Variants in METTL15 observed in about 807,000 individuals in gnomAD.
METTL15 encodes methyltransferase 15, mitochondrial 12S rRNA N4-cytidine, also known as 12S rRNA N(4)-cytidine methyltransferase METTL15.
A neutral mutation model predicts 38.3 loss-of-function variants in METTL15; 34 were observed. That is an observed-to-expected ratio of 0.89 (90% CI 0.68 to 1.18). The LOEUF (loss-of-function observed/expected upper bound fraction) is 1.18, where lower values mean the gene tolerates loss of function less well. Ranked by LOEUF, METTL15 falls within the 50% of genes most tolerant of loss-of-function variation. The probability of loss-of-function intolerance (pLI) is 0.00; values close to 1 mark genes in which losing one functional copy is unlikely to be tolerated. For synonymous variants in METTL15, 162 were observed against 170.9 expected (o/e 0.95, Z 0.41); for missense variants, 438 against 498.4 (o/e 0.88, Z 1.15).
At chr11:28,303,364 A>T (rs1053868425) in intron 6 of METTL15, among the ~76,000 whole-genome samples, 11 of 152,188 alleles carry the variant, frequency 7.2e-5, no homozygotes, top group Admixed American at 2.6e-4. Context: ...TTTTGCTTAA[A>T]CCAATGTTGA....
intron 3 of METTL15, among the ~76,000 whole-genome samples, chr11:28,178,103 A>G (rs573507350): frequency 1.3e-5 from 2 of 152,032 alleles, no homozygotes; most frequent in East Asian, 1.9e-4. Context: ...CCCAATTTGC[A>G]TGAGTTATCA....
chr11:28,492,330 T>C (rs1246993646), intron 6 of METTL15, among the ~76,000 whole-genome samples: 4 of 152,074 alleles, frequency 2.6e-5, no homozygotes, highest in Non-Finnish European at 5.9e-5. Context: ...GACAGGCACA[T>C]CTTGTGGCAG....
At chr11:28,435,916 G>A (rs1402603062) in intron 6 of METTL15, among the ~76,000 whole-genome samples, 1 of 152,184 alleles carries the variant, frequency 6.6e-6, no homozygotes, top group Non-Finnish European at 1.5e-5. Flanking sequence ...CCCTTGAGGG[G>A]CTAGAGATAA....
At chr11:28,490,811 G>T (rs1307429662) in intron 6 of METTL15, among the ~76,000 whole-genome samples, 2 of 152,068 alleles carry the variant, frequency 1.3e-5, no homozygotes, top group Admixed American at 6.6e-5. Context: ...GGCTAAAAAG[G>T]CAACATTCAT....
At chr11:28,424,474 G>A (rs1850847969) in intron 6 of METTL15, 1 of 152,206 alleles carries the variant, frequency 6.6e-6, no homozygotes, top group Admixed American at 6.5e-5. Flanking sequence ...AGGTAGGAGG[G>A]AAGCAAAGAG....
intron 4 of METTL15, among the ~76,000 whole-genome samples, chr11:28,288,762 T>C (rs938926819): frequency 6.6e-6 from 1 of 152,122 alleles, no homozygotes; most frequent in Non-Finnish European, 1.5e-5. Flanking sequence ...TAAACCCCCA[T>C]GATACAAGTT....
intron 4 of METTL15, among the ~76,000 whole-genome samples, chr11:28,218,918 C>T (rs1464079770): frequency 2.0e-5 from 3 of 152,242 alleles, no homozygotes; most frequent in South Asian, 2.1e-4. Flanking sequence ...CCCACTTGAT[C>T]ATGGTGGATA....
chr11:28,231,284 A>T (rs530895375), intron 4 of METTL15, among the ~76,000 whole-genome samples: 13 of 152,038 alleles, frequency 8.6e-5, no homozygotes, highest in Admixed American at 8.5e-4. Flanking sequence ...ATAGCATGGA[A>T]TAACTATGTT....
At chr11:28,176,453 TG>T in intron 3 of METTL15, among the ~76,000 whole-genome samples, 1 of 152,302 alleles carries the variant, frequency 6.6e-6, no homozygotes, top group East Asian at 1.9e-4. Flanking sequence ...GCTATGCCCT[TG>T]GGCATGTTAC....
At chr11:28,313,446 A>T (rs544370620) in intron 6 of METTL15, among the ~76,000 whole-genome samples, 36 of 152,138 alleles carry the variant, frequency 2.4e-4, no homozygotes, top group African/African-American at 7.9e-4. Flanking sequence ...TAATGAATTT[A>T]TGATTCAGTA....
downstream of METTL15, among the ~76,000 whole-genome samples, chr11:28,530,246 G>T (rs1358437815): frequency 2.0e-5 from 3 of 152,148 alleles, no homozygotes; most frequent in Non-Finnish European, 4.4e-5. Flanking sequence ...CACAAAGGTT[G>T]TATAACCTAT....
intron 6 of METTL15, among the ~76,000 whole-genome samples, chr11:28,298,817 GATA>G (rs751195443): frequency 4.3e-4 from 65 of 152,014 alleles, no homozygotes; most frequent in Non-Finnish European, 8.2e-4. Context: ...CTTTATTAAT[GATA>G]ATATGAATTT....
Position 28,140,103 on chromosome 11 carries a change from C to A in METTL15, c.270+26499C>A, listed in dbSNP as rs149320965. 2.0e-4 allele frequency among the ~76,000 whole-genome samples: 30 copies of A among 152,296 alleles called. No homozygotes were observed. In the East Asian group the frequency reaches 5.8e-3, roughly 30 times the overall value. On this transcript the variant is annotated intron_variant, in intron 3 of 6. Coordinates refer to ENST00000407364, the MANE Select transcript of METTL15 (RefSeq NM_001113528.2). ...AGGGAGGATGGGTGCCTCCGCTTGCCTTTCTGTTCCGAGCGTGTGCCTGTG... is the reference window on the plus strand; with the variant it reads ...AGGGAGGATGGGTGCCTCCGCTTGCATTTCTGTTCCGAGCGTGTGCCTGTG...
chr11:28,327,996 A>T, intron 6 of METTL15: 1 of 1,292,052 alleles, frequency 7.7e-7, no homozygotes, highest in East Asian at 2.7e-5. Context: ...TTTTAAAAAA[A>T]TTATAGCAAA....
chr11:28,353,849 C>T (rs1444729299), intron 4 of METTL15, among the ~76,000 whole-genome samples: 2 of 147,320 alleles, frequency 1.4e-5, no homozygotes, highest in Non-Finnish European at 3.0e-5. Flanking sequence ...GGCGTGAACC[C>T]GGGAAGCGGA....
intron 5 of METTL15, among the ~76,000 whole-genome samples, chr11:28,411,478 C>T (rs557056862): frequency 4.0e-4 from 61 of 151,900 alleles, no homozygotes; most frequent in Non-Finnish European, 4.6e-4. Context: ...CAAGAAGTCA[C>T]GAAGGGGAAA....
chr11:28,307,003 A>G (rs537416078), intron 6 of METTL15, among the ~76,000 whole-genome samples: 3 of 152,072 alleles, frequency 2.0e-5, no homozygotes, highest in East Asian at 1.9e-4. Flanking sequence ...TATATTTCTT[A>G]TAACTCTTCA....
chr11:28,297,349 A>G (rs1445884069), intron 6 of METTL15, among the ~76,000 whole-genome samples: 1 of 152,122 alleles, frequency 6.6e-6, no homozygotes, highest in Non-Finnish European at 1.5e-5. Flanking sequence ...TTAGTTTCAC[A>G]TTTCTGCATT....
chr11:28,514,944 T>C (rs1384318200), intron 6 of METTL15, among the ~76,000 whole-genome samples: 1 of 152,252 alleles, frequency 6.6e-6, no homozygotes, highest in African/African-American at 2.4e-5. Flanking sequence ...GTGAAGAGCA[T>C]ATAGTGGCTA....
Sources: gnomAD v4.1 joint callset for allele counts (sites outside exome capture counted in the v4.1 genomes callset) on GRCh38, gnomAD v4.1.1 for gene constraint, MANE v1.5 for transcripts, NCBI Gene and HGNC (gene_info 2026-07-23, HGNC 2026-07-21) for gene names.